The following CDH13 variants were observed in gnomAD, a reference collection of about 807,000 sequenced individuals.
The protein encoded by CDH13 is cadherin 13.
A neutral mutation model predicts 63.8 loss-of-function variants in CDH13; 24 were observed. The ratio of observed to expected loss-of-function variants is 0.38; its 90% confidence interval spans 0.27 to 0.53. The LOEUF is 0.53. Ranked by LOEUF, CDH13 falls within the 20% of genes least tolerant of loss-of-function variation. The pLI, the probability that CDH13 is intolerant of heterozygous loss-of-function variation, is 0.85. For missense variants in CDH13, 1,049 were observed against 903.1 expected, an observed-to-expected ratio of 1.16 and a Z score of -2.07; for synonymous variants, 503 against 355.3, an observed-to-expected ratio of 1.42 and a Z score of -4.67.
chr16:82,750,939 C>G (rs1005882338), intron 1 of CDH13, among the ~76,000 whole-genome samples: 1 of 152,206 alleles, frequency 6.6e-6, no homozygotes, highest in Admixed American at 6.5e-5. Context: ...GACACATAAT[C>G]TTCAAACCAC....
chr16:82,783,682 G>A (rs530187164), intron 1 of CDH13, among the ~76,000 whole-genome samples: 2 of 152,348 alleles, frequency 1.3e-5, no homozygotes, highest in South Asian at 4.1e-4. Context: ...TCAGTGAGAG[G>A]ACTTCTCGGC....
chr16:83,145,000 C>T (rs1035880598), intron 4 of CDH13, among the ~76,000 whole-genome samples: 2 of 152,210 alleles, frequency 1.3e-5, no homozygotes, highest in South Asian at 4.1e-4. Flanking sequence ...ATACAGATGG[C>T]CCATGTTGCA....
intron 4 of CDH13, among the ~76,000 whole-genome samples, chr16:83,202,524 C>T (rs762140503): frequency 1.2e-4 from 18 of 152,092 alleles, no homozygotes; most frequent in Non-Finnish European, 2.1e-4. Flanking sequence ...CCAATGAAGG[C>T]ACATGCAAGG....
chr16:83,260,442 C>G (rs1906848017), intron 5 of CDH13, among the ~76,000 whole-genome samples: 1 of 151,640 alleles, frequency 6.6e-6, no homozygotes, highest in Non-Finnish European at 1.5e-5. Context: ...CCAGCACAGT[C>G]AGTTCTGCGT....
At chr16:82,901,323 C>CGT (rs1567644849) in intron 2 of CDH13, among the ~76,000 whole-genome samples, 23 of 102,062 alleles carry the variant, frequency 2.3e-4, no homozygotes, top group Admixed American at 2.1e-3. Flanking sequence ...ATAGTATTCT[C>CGT]CTGTGTGTGT....
At chr16:82,627,583 C>T (rs1013400771) in intron 1 of CDH13, among the ~76,000 whole-genome samples, 1 of 152,120 alleles carries the variant, frequency 6.6e-6, no homozygotes, top group Non-Finnish European at 1.5e-5. Flanking sequence ...TGCTCGGGTC[C>T]GGATTGCGGG....
At chr16:83,498,893 C>G (rs2074208239) in intron 7 of CDH13, among the ~76,000 whole-genome samples, 1 of 152,168 alleles carries the variant, frequency 6.6e-6, no homozygotes, top group Non-Finnish European at 1.5e-5. Flanking sequence ...AGCCCAGTGG[C>G]TTCTATAGCT....
chr16:82,960,131 A>G (rs1198350246), intron 2 of CDH13, among the ~76,000 whole-genome samples: 1 of 152,198 alleles, frequency 6.6e-6, no homozygotes, highest in Non-Finnish European at 1.5e-5. Context: ...ATGCAGAAGC[A>G]GGGAGATCAG....
chr16:83,490,757 A>C (rs2073995791), intron 7 of CDH13, among the ~76,000 whole-genome samples: 2 of 152,216 alleles, frequency 1.3e-5, no homozygotes, highest in Non-Finnish European at 2.9e-5. Flanking sequence ...GCTTGAAAGC[A>C]GGTGAACTGG....
intron 2 of CDH13, among the ~76,000 whole-genome samples, chr16:82,935,981 C>G (rs562159690): frequency 2.0e-4 from 30 of 152,262 alleles, no homozygotes; most frequent in Admixed American, 4.6e-4. Flanking sequence ...TTGCATAGTG[C>G]TCACCCATTG....
rs148901082 is a variant in CDH13, at chr16:83,595,207, G to A, written c.961-7247G>A. On this transcript the variant is annotated intron_variant, in intron 7 of 13. Transcript: ENST00000567109. ...AAATAAAATTCTATCTCCTTGAGCT[G>A]CAGTTCCGCAAAGTATAAGTCATTC... is the stretch of plus-strand genomic sequence containing the variant. Among the ~76,000 whole-genome samples, 1,000 of 152,296 alleles carry A rather than the reference G, an allele frequency of 6.6e-3. 33 individuals are homozygous for A. The highest frequency in any genetic ancestry group is 2.7e-3 in the Non-Finnish European group (184 of 68,016).
chr16:83,490,807 A>G (rs1041246633), intron 7 of CDH13, among the ~76,000 whole-genome samples: 1 of 152,246 alleles, frequency 6.6e-6, no homozygotes, highest in African/African-American at 2.4e-5. Context: ...CCGCATTAAT[A>G]GATATCAAGT....
At chr16:83,410,770 T>C (rs903851761) in intron 6 of CDH13, among the ~76,000 whole-genome samples, 1 of 152,238 alleles carries the variant, frequency 6.6e-6, no homozygotes, top group Admixed American at 6.5e-5. Flanking sequence ...ACTGAGTCGT[T>C]GGCAATCAGC....
intron 7 of CDH13, among the ~76,000 whole-genome samples, chr16:83,565,568 C>T (rs1435207001): frequency 6.6e-6 from 1 of 151,978 alleles, no homozygotes; most frequent in East Asian, 1.9e-4. Context: ...AAGGACAAGG[C>T]AGTGGAACAT....
intron 3 of CDH13, among the ~76,000 whole-genome samples, chr16:83,111,649 A>G (rs1290048415): frequency 6.6e-6 from 1 of 152,180 alleles, no homozygotes; most frequent in Non-Finnish European, 1.5e-5. Flanking sequence ...GTTTGGTCAG[A>G]GCACTCAGGC....
At chr16:83,737,497 T>C (rs1378177520) in intron 10 of CDH13, among the ~76,000 whole-genome samples, 1 of 152,136 alleles carries the variant, frequency 6.6e-6, no homozygotes, top group Non-Finnish European at 1.5e-5. Context: ...TTTATATCTA[T>C]GTAATAGGGT....
chr16:82,922,633 G>A (rs780364083), intron 2 of CDH13, among the ~76,000 whole-genome samples: 1 of 152,118 alleles, frequency 6.6e-6, no homozygotes, highest in Admixed American at 6.5e-5. Context: ...TTCCTGCTCT[G>A]GAGAGAAAAG....
chr16:83,232,363 A>G (rs539366491), intron 5 of CDH13, among the ~76,000 whole-genome samples: 40 of 151,776 alleles, frequency 2.6e-4, no homozygotes, highest in Admixed American at 1.8e-3. Context: ...TGTCTCTACT[A>G]AAAAAACAAA....
At chr16:82,751,708 A>AG (rs915397240) in intron 1 of CDH13, among the ~76,000 whole-genome samples, 1 of 152,122 alleles carries the variant, frequency 6.6e-6, no homozygotes, top group Non-Finnish European at 1.5e-5. Flanking sequence ...ACAGGTAAAA[A>AG]AAAAAAAAAA....
Sources: allele counts gnomAD v4.1 joint callset (sites outside exome capture counted in the v4.1 genomes callset), GRCh38; gene constraint gnomAD v4.1.1; transcripts MANE v1.5; gene names NCBI Gene and HGNC (gene_info 2026-07-23, HGNC 2026-07-21).